The following EYS variants were observed in gnomAD, a reference collection of about 807,000 sequenced individuals.
EYS encodes protein eyes shut homolog.
Under a neutral mutation model 282.1 loss-of-function variants are expected in EYS, and 250 were observed. The observed-to-expected ratio is 0.89, with a 90% CI of 0.80 to 0.98. The LOEUF (loss-of-function observed/expected upper bound fraction) is 0.98. EYS is among the 50% of genes least tolerant of loss of function. The probability of loss-of-function intolerance (pLI) is 0.00; values close to 1 mark genes in which losing one functional copy is unlikely to be tolerated. For synonymous variants in EYS, 1,355 were observed against 1,282.9 expected (o/e 1.06, Z -1.20); for missense variants, 4,016 against 3,709.0 (o/e 1.08, Z -2.15).
intron 22 of EYS, among the ~76,000 whole-genome samples, chr6:64,693,153 A>G (rs539115718): frequency 1.1e-4 from 17 of 151,644 alleles, no homozygotes; most frequent in African/African-American, 3.9e-4. Context: ...AATAATGCAG[A>G]TAGAAATTTT....
At chr6:64,133,511 CACACAG>C (rs1258919966) in intron 31 of EYS, among the ~76,000 whole-genome samples, 1 of 148,906 alleles carries the variant, frequency 6.7e-6, no homozygotes, top group African/African-American at 2.5e-5. Flanking sequence ...CACACACACA[CACACAG>C]AGAAATCCAT....
At chr6:64,796,564 C>T (rs1774359787) in intron 22 of EYS, among the ~76,000 whole-genome samples, 1 of 152,082 alleles carries the variant, frequency 6.6e-6, no homozygotes, top group Middle Eastern at 3.2e-3. Flanking sequence ...ATAATGGACA[C>T]CTGCTTCTAA....
intron 31 of EYS, among the ~76,000 whole-genome samples, chr6:64,096,751 TC>T (rs1228729675): frequency 6.6e-6 from 1 of 152,206 alleles, no homozygotes; most frequent in Non-Finnish European, 1.5e-5. Flanking sequence ...TTCTCTCAAT[TC>T]GTCAAAGTCA....
intron 12 of EYS, among the ~76,000 whole-genome samples, chr6:65,209,904 G>T (rs1352719459): frequency 6.6e-6 from 1 of 151,918 alleles, no homozygotes; most frequent in Non-Finnish European, 1.5e-5. Context: ...GAAATAGGTT[G>T]ACTTTAAGAG....
intron 5 of EYS, among the ~76,000 whole-genome samples, chr6:65,467,385 C>A (rs1765040973): frequency 6.6e-6 from 1 of 152,012 alleles, no homozygotes; most frequent in South Asian, 2.1e-4. Context: ...TTGCAGAATA[C>A]AAGATTGATG....
chr6:65,177,267 C>G (rs983343834), intron 12 of EYS, among the ~76,000 whole-genome samples: 1 of 151,790 alleles, frequency 6.6e-6, no homozygotes, highest in African/African-American at 2.4e-5. Flanking sequence ...ATTTCAAAGA[C>G]TTTGATGTAA....
At chr6:63,952,453 A>C (rs367776678) in intron 35 of EYS, among the ~76,000 whole-genome samples, 1 of 151,930 alleles carries the variant, frequency 6.6e-6, no homozygotes, top group Non-Finnish European at 1.5e-5. Flanking sequence ...CTTAATCAAT[A>C]TGGAGGCTAC....
chr6:64,579,099 G>A (rs1377917818), intron 26 of EYS, among the ~76,000 whole-genome samples: 1 of 152,034 alleles, frequency 6.6e-6, no homozygotes, highest in East Asian at 1.9e-4. Flanking sequence ...AGGTATGTTG[G>A]TCCTACCCAT....
chr6:64,001,854 C>G (rs1390165541), intron 33 of EYS, among the ~76,000 whole-genome samples: 1 of 152,170 alleles, frequency 6.6e-6, no homozygotes, highest in African/African-American at 2.4e-5. Flanking sequence ...ATCTCTGTAT[C>G]CTGGTGATAT....
At chr6:64,831,387 T>C (rs903177442) in intron 19 of EYS, among the ~76,000 whole-genome samples, 2 of 151,984 alleles carry the variant, frequency 1.3e-5, no homozygotes, top group Admixed American at 6.6e-5. Flanking sequence ...TTGCTAATAT[T>C]TTCATTGTTT....
At position 63,721,061 on chromosome 6, in the gene EYS, T is replaced by G; in HGVS notation, c.8970A>C (p.Lys2990Asn). 1 of 1,551,392 alleles carries G rather than the reference T, an allele frequency of 6.4e-7. No homozygotes were observed. The highest frequency in any genetic ancestry group is 8.7e-7 in the Non-Finnish European group (1 of 1,146,818). ...CCATCCATACAATTAGACCTTCTGT[T>G]TTAGTGGTACTGAAATTTAAGGATA... ...TTISLNFSTTKTEGLIVWMGI... is the reference protein window; with the variant it reads ...TTISLNFSTTNTEGLIVWMGI... Residue 2990 changes from lysine (K) to asparagine (N), a missense_variant, in exon 43 of 43, where the codon AAA becomes AAC. Lys to Asn is a moderately conservative substitution (Grantham distance 94, BLOSUM62 0). Transcript: ENST00000503581.
At chr6:65,415,434 A>G (rs548911376) in intron 5 of EYS, among the ~76,000 whole-genome samples, 4 of 152,086 alleles carry the variant, frequency 2.6e-5, no homozygotes, top group Non-Finnish European at 4.4e-5. Flanking sequence ...TGAAGTAGCA[A>G]CTAGGGAGGT....
chr6:64,886,547 A>G (rs1767091632), intron 19 of EYS, 150 bp downstream of exon 19: 2 of 481,120 alleles, frequency 4.2e-6, no homozygotes, highest in Non-Finnish European at 3.5e-6. Flanking sequence ...ACTTCTTATT[A>G]ATTTCTTTTA....
At chr6:63,814,345 C>A (rs191530140) in intron 36 of EYS, among the ~76,000 whole-genome samples, 2 of 152,110 alleles carry the variant, frequency 1.3e-5, no homozygotes, top group African/African-American at 4.8e-5. Context: ...CAGAGATACC[C>A]GGTACATGAA....
intron 5 of EYS, among the ~76,000 whole-genome samples, chr6:65,462,130 G>T (rs1032799714): frequency 1.3e-5 from 2 of 152,042 alleles, no homozygotes; most frequent in African/African-American, 4.8e-5. Context: ...AAACTACTGA[G>T]AAATAAAAAT....
Position 64,623,377 on chromosome 6 carries a change from G to T in EYS, c.3568+2744C>A, listed in dbSNP as rs6920335. 2.0e-3 allele frequency among the ~76,000 whole-genome samples: 300 copies of T among 152,192 alleles called. 3 individuals are homozygous for T. The highest frequency in any genetic ancestry group is 6.6e-3 in the African/African-American group (276 of 41,540). ...CTTCTTAGGTGTGAATCTTAGCTTT[G>T]CCACTAACATGTTGTGGGACATTAC... On this transcript the variant is annotated intron_variant, in intron 23 of 42. Transcript: ENST00000503581.
At chr6:63,782,900 GACT>G (rs1770269852) in intron 39 of EYS, among the ~76,000 whole-genome samples, 1 of 148,962 alleles carries the variant, frequency 6.7e-6, no homozygotes, top group East Asian at 2.0e-4. Flanking sequence ...CCAACCATTT[GACT>G]GACTAGGTAC....
intron 15 of EYS, among the ~76,000 whole-genome samples, chr6:64,937,594 T>C (rs868751355): frequency 4.4e-4 from 67 of 151,634 alleles, no homozygotes; most frequent in African/African-American, 1.4e-3. Flanking sequence ...TGAAATACCA[T>C]TTCACACCTA....
intron 33 of EYS, among the ~76,000 whole-genome samples, chr6:64,035,601 T>G (rs897705658): frequency 6.6e-6 from 1 of 152,208 alleles, no homozygotes; most frequent in Non-Finnish European, 1.5e-5. Flanking sequence ...TAAAGAATCA[T>G]GTAAGATGCA....
Sources: gnomAD v4.1 joint callset for allele counts (sites outside exome capture counted in the v4.1 genomes callset) on GRCh38, gnomAD v4.1.1 for gene constraint, MANE v1.5 for transcripts, NCBI Gene and HGNC (gene_info 2026-07-23, HGNC 2026-07-21) for gene names.